PLSCR2: variants seen among roughly 807,000 people sequenced by gnomAD.
PLSCR2 encodes phospholipid scramblase 2.
Under a neutral mutation model 25.3 loss-of-function variants are expected in PLSCR2, and 18 were observed. The ratio of observed to expected loss-of-function variants is 0.71; its 90% confidence interval spans 0.49 to 1.06. The LOEUF (loss-of-function observed/expected upper bound fraction) is 1.06. Ranked by LOEUF, PLSCR2 falls within the 50% of genes least tolerant of loss-of-function variation. The pLI, the probability that PLSCR2 is intolerant of heterozygous loss-of-function variation, is 0.00. For synonymous variants in PLSCR2, 88 were observed against 87.3 expected (o/e 1.01, Z -0.04); for missense variants, 243 against 269.5 (o/e 0.90, Z 0.69).
intron 1 of PLSCR2, among the ~76,000 whole-genome samples, chr3:146,483,509 A>ATATAC (rs1553791539): frequency 8.7e-5 from 11 of 127,024 alleles, no homozygotes; most frequent in Non-Finnish European, 1.2e-4. Flanking sequence ...ATATATATAT[A>ATATAC]ATGTTACTAC....
At chr3:146,396,937 T>TTCACACTCACACACTA (rs1439599348) in intron 2 of PLSCR2, among the ~76,000 whole-genome samples, 2 of 152,100 alleles carry the variant, frequency 1.3e-5, no homozygotes, top group Admixed American at 6.6e-5. Flanking sequence ...GGAACAGGAA[T>TTCACACTCACACACTA]TCACACTCAC....
At chr3:146,396,588 T>C (rs991938348) in intron 2 of PLSCR2, among the ~76,000 whole-genome samples, 3 of 151,992 alleles carry the variant, frequency 2.0e-5, no homozygotes, top group Non-Finnish European at 4.4e-5. Context: ...AGCTGAGACT[T>C]AGAGGACCAG....
Position 146,404,821 on chromosome 3 carries a change from A to G in PLSCR2, c.101-8900T>C, listed in dbSNP as rs868496701. Among the ~76,000 whole-genome samples the G allele has an allele frequency of 1.4e-3, 171 of 124,696 alleles. 1 individual carries two copies. The highest frequency in any genetic ancestry group is 1.3e-3 in the Non-Finnish European group (76 of 59,462). The allele number at this position is 124,696 out of a possible 152,430, so 81.8% of individuals were successfully genotyped here. ...AGGAAGAAATAGGCAAAAAAAAAAA[A>G]GGGGGGGGGTGGTGGTTAACTGGTC... On this transcript the variant is annotated intron_variant and NMD_transcript_variant, in intron 2 of 3. Coordinates refer to the PLSCR2 transcript ENST00000463633.
rs764060015 is a variant in PLSCR2, at chr3:146,489,978, C to T, written c.-293+5917G>A. Among the ~76,000 whole-genome samples the T allele has an allele frequency of 6.6e-5, 10 of 152,014 alleles. 1 individual carries two copies. The highest frequency in any genetic ancestry group is 4.6e-4 in the Admixed American group (7 of 15,250). On this transcript the variant is annotated intron_variant, in intron 1 of 8. Transcript: ENST00000336685. Reference sequence around the variant, plus strand: ...CATGCAAGGCACATTTACCCCATTCCGGGTCTCCAAAACCTCAACACATTA... The same window carrying T: ...CATGCAAGGCACATTTACCCCATTCTGGGTCTCCAAAACCTCAACACATTA...
At chr3:146,429,424 C>G (rs1468314076), downstream of PLSCR2, among the ~76,000 whole-genome samples, 1 of 152,004 alleles carries the variant, frequency 6.6e-6, no homozygotes, top group Non-Finnish European at 1.5e-5. Context: ...CAAAGGTCAC[C>G]CTTGTTATGC....
At chr3:146,469,656 C>G (rs897425577) in intron 1 of PLSCR2, 95 bp from the exon 1 acceptor site, 2 of 762,024 alleles carry the variant, frequency 2.6e-6, no homozygotes, top group African/African-American at 3.8e-5. Context: ...CCTGCAGCAG[C>G]CCCTAGTTTA....
upstream of PLSCR2, among the ~76,000 whole-genome samples, chr3:146,464,385 T>G (rs2041766909): frequency 6.6e-6 from 1 of 152,196 alleles, no homozygotes; most frequent in Non-Finnish European, 1.5e-5. Flanking sequence ...GAATTCTGAC[T>G]AATATGATGA....
At chr3:146,456,241 T>C (rs372586861) in intron 3 of PLSCR2, among the ~76,000 whole-genome samples, 2 of 152,136 alleles carry the variant, frequency 1.3e-5, no homozygotes, top group African/African-American at 2.4e-5. Flanking sequence ...GACTTCCATA[T>C]TGAACCACAC....
upstream of PLSCR2, among the ~76,000 whole-genome samples, chr3:146,464,334 C>T (rs2041764131): frequency 6.6e-6 from 1 of 152,086 alleles, no homozygotes; most frequent in Admixed American, 6.5e-5. Flanking sequence ...TACATCTCTT[C>T]ATATATATAT....
At chr3:146,408,824 T>C (rs890948538) in intron 2 of PLSCR2, among the ~76,000 whole-genome samples, 4 of 152,088 alleles carry the variant, frequency 2.6e-5, no homozygotes, top group Non-Finnish European at 5.9e-5. Flanking sequence ...TTAATACCCA[T>C]GAGGAGATAC....
chr3:146,401,815 T>A (rs1273984104), intron 2 of PLSCR2, among the ~76,000 whole-genome samples: 1 of 151,942 alleles, frequency 6.6e-6, no homozygotes, highest in Non-Finnish European at 1.5e-5. Context: ...TCAAAGAAGT[T>A]GACCCATTAC....
intron 1 of PLSCR2, chr3:146,468,976 G>C (rs1367200795): frequency 4.6e-6 from 1 of 215,534 alleles, no homozygotes; most frequent in Non-Finnish European, 7.9e-6. Flanking sequence ...CGAATTTAAA[G>C]TCGGGGAGCC....
upstream of PLSCR2, among the ~76,000 whole-genome samples, chr3:146,463,277 C>T (rs560058920): frequency 1.2e-4 from 19 of 152,126 alleles, no homozygotes; most frequent in African/African-American, 4.1e-4. Flanking sequence ...CCCAGATTCA[C>T]GCCATTCTCC....
intron 5 of PLSCR2, among the ~76,000 whole-genome samples, chr3:146,451,271 C>T (rs184127534): frequency 3.4e-4 from 52 of 151,922 alleles, no homozygotes; most frequent in Admixed American, 3.2e-3. Context: ...CCTGCCACCA[C>T]GCCTGGCTAA....
At chr3:146,448,476 C>A (rs2040694153) in intron 6 of PLSCR2, among the ~76,000 whole-genome samples, 1 of 152,146 alleles carries the variant, frequency 6.6e-6, no homozygotes. Flanking sequence ...CATCCCAACT[C>A]CAGAGATTTT....
chr3:146,454,927 C>T (rs1454015242), intron 4 of PLSCR2, among the ~76,000 whole-genome samples: 1 of 152,102 alleles, frequency 6.6e-6, no homozygotes, highest in South Asian at 2.1e-4. Flanking sequence ...CTGCTGATTT[C>T]GACCATGCCT....
At chr3:146,437,794 G>C (rs1339697624), downstream of PLSCR2, among the ~76,000 whole-genome samples, 1 of 151,988 alleles carries the variant, frequency 6.6e-6, no homozygotes, top group Non-Finnish European at 1.5e-5. Flanking sequence ...TCTGATCTTA[G>C]TTATTTCTTG....
At chr3:146,481,425 C>A (rs1401625541) in intron 1 of PLSCR2, among the ~76,000 whole-genome samples, 1 of 152,126 alleles carries the variant, frequency 6.6e-6, no homozygotes, top group Admixed American at 6.5e-5. Context: ...CACAAGCATT[C>A]CTATACACCA....
chr3:146,494,058 C>T (rs960152214), intron 1 of PLSCR2, among the ~76,000 whole-genome samples: 1 of 151,884 alleles, frequency 6.6e-6, no homozygotes, highest in African/African-American at 2.4e-5. Context: ...GTTGAAATTC[C>T]ACAGCTCACT....
Sources: allele counts gnomAD v4.1 joint callset (sites outside exome capture counted in the v4.1 genomes callset), GRCh38; gene constraint gnomAD v4.1.1; transcripts MANE v1.5; gene names NCBI Gene and HGNC (gene_info 2026-07-23, HGNC 2026-07-21).